SNX18: variants seen among roughly 807,000 people sequenced by gnomAD.
SNX18 encodes sorting nexin-18.
In SNX18, 35 loss-of-function variants were observed where a neutral mutation model predicts 48.7. The observed-to-expected ratio is 0.72, with a 90% CI of 0.55 to 0.95. The LOEUF (loss-of-function observed/expected upper bound fraction) is 0.95, where lower values mean the gene tolerates loss of function less well. Ranked by LOEUF, SNX18 falls within the 40% of genes least tolerant of loss-of-function variation. SNX18 has a pLI of 0.00. For synonymous variants in SNX18, 492 were observed against 384.7 expected (o/e 1.28, Z -3.26); for missense variants, 824 against 871.0 (o/e 0.95, Z 0.68).
At chr5:54,603,516 A>C in the SNX18 span, among the ~76,000 whole-genome samples, 6 of 152,216 alleles carry the variant, frequency 3.9e-5, no homozygotes, top group African/African-American at 1.4e-4. Flanking sequence ...GTTTTAGTCA[A>C]ACCCAGCCAA....
chr5:54,641,661 T>C, the SNX18 span, among the ~76,000 whole-genome samples: 1 of 152,164 alleles, frequency 6.6e-6, no homozygotes, highest in Non-Finnish European at 1.5e-5. Context: ...ACAACAAAAA[T>C]TTTTATCCCT....
chr5:54,551,280 A>G (rs538525670), downstream of SNX18, among the ~76,000 whole-genome samples: 14 of 152,312 alleles, frequency 9.2e-5, no homozygotes, highest in East Asian at 2.7e-3. Flanking sequence ...TGCTAAGAGA[A>G]TGTGTAATGT....
chr5:54,527,486 C>T (rs763544757), intron 1 of SNX18, among the ~76,000 whole-genome samples: 26 of 152,122 alleles, frequency 1.7e-4, no homozygotes, highest in Non-Finnish European at 2.6e-4. Flanking sequence ...TAATTTTGGC[C>T]TGTTTGGCCT....
the SNX18 span, among the ~76,000 whole-genome samples, chr5:54,568,399 A>G: frequency 6.6e-6 from 1 of 152,184 alleles, no homozygotes. Context: ...GGATGCATAG[A>G]TGTTCTGCTC....
chr5:54,588,266 A>G, the SNX18 span, among the ~76,000 whole-genome samples: 1 of 150,344 alleles, frequency 6.7e-6, no homozygotes, highest in Non-Finnish European at 1.5e-5. Flanking sequence ...AAAAAAAATA[A>G]TTCAAATACA....
intron 1 of SNX18, among the ~76,000 whole-genome samples, chr5:54,541,824 C>T (rs533515395): frequency 2.6e-5 from 4 of 152,300 alleles, no homozygotes; most frequent in South Asian, 4.1e-4. Flanking sequence ...AAGCATACTG[C>T]TTTACGTTTA....
the SNX18 span, among the ~76,000 whole-genome samples, chr5:54,585,868 G>T: frequency 6.6e-6 from 1 of 152,088 alleles, no homozygotes; most frequent in African/African-American, 2.4e-5. Flanking sequence ...AGCTGTACAT[G>T]GTGGCGGGTG....
the SNX18 span, among the ~76,000 whole-genome samples, chr5:54,627,881 G>A: frequency 6.0e-4 from 92 of 152,188 alleles, 1 homozygote; most frequent in Non-Finnish European, 1.5e-5. Flanking sequence ...AACACCCATT[G>A]GCTATTTGGC....
chr5:54,591,237 T>C, the SNX18 span, among the ~76,000 whole-genome samples: 1 of 152,082 alleles, frequency 6.6e-6, no homozygotes, highest in Non-Finnish European at 1.5e-5. Context: ...TAGAGTGCAG[T>C]GGTGTGATCA....
chr5:54,520,642 A>G (rs924065892), intron 1 of SNX18: 1 of 166,672 alleles, frequency 6.0e-6, no homozygotes, highest in African/African-American at 2.4e-5. Context: ...GATCTCTGGC[A>G]TGTCTTTTCT....
At chr5:54,535,368 A>T (rs577025517) in intron 1 of SNX18, among the ~76,000 whole-genome samples, 39 of 152,338 alleles carry the variant, frequency 2.6e-4, no homozygotes, top group African/African-American at 9.4e-4. Context: ...AATTGCACTG[A>T]TATGAAAATG....
the SNX18 span, among the ~76,000 whole-genome samples, chr5:54,578,932 G>T: frequency 6.6e-6 from 1 of 152,162 alleles, no homozygotes; most frequent in Non-Finnish European, 1.5e-5. Context: ...CATGTATTTT[G>T]TTCCCTCATA....
At chr5:54,554,603 A>G in the SNX18 span, among the ~76,000 whole-genome samples, 2 of 152,266 alleles carry the variant, frequency 1.3e-5, no homozygotes, top group African/African-American at 2.4e-5. Flanking sequence ...GTAATGAACT[A>G]TGAATTAATG....
the SNX18 span, among the ~76,000 whole-genome samples, chr5:54,585,634 T>C: frequency 2.0e-5 from 3 of 151,816 alleles, no homozygotes; most frequent in Non-Finnish European, 4.4e-5. Flanking sequence ...AATTGTACAG[T>C]AAGGTGGTGA....
At chr5:54,646,999 G>A in the SNX18 span, among the ~76,000 whole-genome samples, 3 of 152,174 alleles carry the variant, frequency 2.0e-5, no homozygotes, top group Non-Finnish European at 4.4e-5. Flanking sequence ...TGTAACAAGT[G>A]TCTCAAGAGC....
At chr5:54,519,832 C>T in intron 1 of SNX18, 1 of 1,596,522 alleles carries the variant, frequency 6.3e-7, no homozygotes, top group African/African-American at 1.3e-5. Context: ...ACAGTGCTAT[C>T]ATTTTAGAGT....
At chr5:54,613,393 TGA>T in the SNX18 span, among the ~76,000 whole-genome samples, 1 of 151,996 alleles carries the variant, frequency 6.6e-6, no homozygotes, top group Admixed American at 6.6e-5. Context: ...ATCACGCACA[TGA>T]GAGAAAGAGG....
chr5:54,596,301 A>G, the SNX18 span, among the ~76,000 whole-genome samples: 1 of 152,098 alleles, frequency 6.6e-6, no homozygotes, highest in African/African-American at 2.4e-5. Context: ...CTCCCGTCTG[A>G]GGGCCAGCAC....
At chr5:54,637,363 G>A in the SNX18 span, among the ~76,000 whole-genome samples, 1 of 152,072 alleles carries the variant, frequency 6.6e-6, no homozygotes, top group Non-Finnish European at 1.5e-5. Context: ...TTGAATAACT[G>A]TTACCATAAT....
Sources: allele counts gnomAD v4.1 joint callset (sites outside exome capture counted in the v4.1 genomes callset), GRCh38; gene constraint gnomAD v4.1.1; transcripts MANE v1.5; gene names NCBI Gene and HGNC (gene_info 2026-07-23, HGNC 2026-07-21).